SLC4A9: variants seen among roughly 807,000 people sequenced by gnomAD.
The protein encoded by SLC4A9 is solute carrier family 4 member 9, also known as anion exchange protein 4.
In SLC4A9, 102 loss-of-function variants were observed where a neutral mutation model predicts 103.2. That is an observed-to-expected ratio of 0.99 (90% CI 0.84 to 1.17). The LOEUF (loss-of-function observed/expected upper bound fraction) is 1.17, where lower values mean the gene tolerates loss of function less well. Among genes scored for constraint, SLC4A9 ranks in the 50% most tolerant of loss-of-function variants. The pLI is 0.00. For missense variants in SLC4A9, 1,091 were observed against 1,193.7 expected (o/e 0.91, Z 1.27); for synonymous variants, 453 against 483.6 (o/e 0.94, Z 0.83).
chr5:140,363,660 AG>A lies in SLC4A9; in HGVS notation c.1080-65del. The stretch of plus-strand genomic sequence containing the variant: ...CTGTGGGAGGGGCTCACCCGGTCAC[AG>A]GGAAAGTAGCGGGGATGCGGGTGTG... On this transcript the variant is annotated intron_variant, in intron 8 of 21. Coordinates refer to ENST00000506757, the MANE Select transcript of SLC4A9 (RefSeq NM_031467.3). The surrounding 1 kb of genome is among the most constrained non-coding windows in gnomAD (Gnocchi z 4.5). 6.3e-7 allele frequency: 1 copy of A among 1,595,066 alleles called. No individual in the cohort carries two copies. Among genetic ancestry groups the A allele is most frequent in the South Asian group, 1.1e-5 (1 of 88,578 alleles).
Position 140,367,572 on chromosome 5 carries a change from C to A in SLC4A9, c.2166C>A (p.Tyr722Ter). 1.2e-6 allele frequency: 2 copies of A among 1,603,236 alleles called. No homozygotes were observed. Among genetic ancestry groups the A allele is most frequent in the Non-Finnish European group, 1.7e-6 (2 of 1,175,034 alleles). The change falls in exon 15 of 22, where the codon TAC becomes TAA. Residue 722 changes from tyrosine to a stop codon, truncating the protein, a stop_gained. Coordinates refer to ENST00000506757, the MANE Select transcript of SLC4A9 (RefSeq NM_031467.3). LOFTEE classifies it high-confidence loss of function. The stretch of plus-strand genomic sequence containing the variant: ...CAGTCATCCTCAACCGCATGGAATA[C>A]AGACTGCAGGTAAGGCCTGCTGGGT... Reference protein sequence around the residue: ...ITAVILNRMEYRLQKGAGFHL... With the variant: ...ITAVILNRME
chr5:140,362,735 G>T (rs549021709), intron 6 of SLC4A9, among the ~76,000 whole-genome samples, 177 bp from the exon 7 acceptor site: 1 of 152,286 alleles, frequency 6.6e-6, no homozygotes, highest in African/African-American at 2.4e-5. Flanking sequence ...ATGAGTGCTG[G>T]CACACTGTAG....
Position 140,367,736 on chromosome 5 carries a change from A to T in SLC4A9, c.2192A>T (p.His731Leu). The T allele has an allele frequency of 1.9e-6, 3 of 1,613,894 alleles. No individual in the cohort carries two copies. In the Admixed American group the frequency reaches 5.0e-5, roughly 27 times the overall value. The change falls in exon 16 of 22, where the codon CAC (histidine) becomes CTC (leucine). Residue 731 changes from histidine to leucine, a missense_variant. By Grantham distance (99) the His-to-Leu change is moderately conservative (BLOSUM62 -3). Coordinates refer to ENST00000506757, the MANE Select transcript of SLC4A9 (RefSeq NM_031467.3). The part of the protein sequence containing the change: ...EYRLQKGAGF[H>L]LDLFCVAVLM... ...TACCTGCAGAAGGGAGCTGGCTTCC[A>T]CCTGGACCTCTTCTGTGTGGCTGTG... is the stretch of plus-strand genomic sequence containing the variant.
intron 12 of SLC4A9, 28 bp from the exon 13 acceptor site, chr5:140,365,806 A>G: frequency 6.2e-7 from 1 of 1,601,842 alleles, no homozygotes; most frequent in South Asian, 1.1e-5. Context: ...ATTGCCTATA[A>G]CTCCACTCCT....
At chr5:140,373,148 G>A (rs1021724438) in intron 21 of SLC4A9, among the ~76,000 whole-genome samples, 2 of 152,186 alleles carry the variant, frequency 1.3e-5, no homozygotes. Flanking sequence ...GGGAAAGAGT[G>A]GGAAGGAAGA....
Position 140,371,615 on chromosome 5 carries a change from C to A in SLC4A9, c.2661C>A (p.Phe887Leu). 1 of 1,614,008 alleles carries A rather than the reference C, an allele frequency of 6.2e-7. No individual in the cohort carries two copies. ...IIKSTPAAII[F>L]PLMLLGLVGV... ...AGTCTACCCCTGCAGCCATCATCTT[C>A]CCCCTCATGGTAAGCTGAGGCAGGG... is the stretch of plus-strand genomic sequence containing the variant. Residue 887 changes from phenylalanine to leucine, a missense_variant, in exon 19 of 22, where the codon TTC (phenylalanine) becomes TTA (leucine). Coordinates refer to ENST00000506757, the MANE Select transcript of SLC4A9 (RefSeq NM_031467.3).
At chr5:140,366,320 C>T (rs559296142) in intron 14 of SLC4A9, 56 bp downstream of exon 14, 1 of 1,232,508 alleles carries the variant, frequency 8.1e-7, no homozygotes, top group African/African-American at 1.5e-5. Context: ...GCCAGCAGAC[C>T]ATGGGGAAGG....
Position 140,372,408 on chromosome 5 carries a change from G to A in SLC4A9, c.2826+11G>A, listed in dbSNP as rs1768865872. ...AGTGACAGTGAAGATGTGAGCTCCA[G>A]GCTGGGTCCTCTCAGGAGAATGTGT... On this transcript the variant is annotated intron_variant, in intron 20 of 21. Transcript: ENST00000506757. 6.2e-7 allele frequency: 1 copy of A among 1,608,410 alleles called. No individual in the cohort carries two copies. Among genetic ancestry groups the A allele is most frequent in the African/African-American group, 1.3e-5 (1 of 74,496 alleles).
Position 140,367,409 on chromosome 5 carries a change from C to T in SLC4A9, c.2014-11C>T, listed in dbSNP as rs966186763. The T allele has an allele frequency of 1.6e-5, 26 of 1,610,172 alleles. No homozygotes were observed. The highest frequency in any genetic ancestry group is 2.1e-5 in the Non-Finnish European group (25 of 1,178,580). On this transcript the variant is annotated splice_polypyrimidine_tract_variant and intron_variant, in intron 14 of 21. Transcript: ENST00000506757. ...CCCACTCCAACCTGTCCATGAAATGCCCTCCTCCAGCCCACACTCCCTGGG... is the reference window on the plus strand; with the variant it reads ...CCCACTCCAACCTGTCCATGAAATGTCCTCCTCCAGCCCACACTCCCTGGG...
Position 140,363,728 on chromosome 5 carries a change from G to A in SLC4A9, c.1080G>A (p.Arg360=). The part of the protein sequence containing the change: ...AHSPELQRTG[R]LFGGLIQDVR... ...ATCACTGACGACCCTCGGGCGGGAG[G>A]CTGTTTGGGGGCCTTATCCAGGACG... The change falls in exon 9 of 22, where the codon AGG becomes AGA. Residue 360 remains arginine (R), a splice_region_variant and synonymous_variant. Coordinates refer to ENST00000506757, the MANE Select transcript of SLC4A9 (RefSeq NM_031467.3). This position sits in a 1 kb window ranked among gnomAD's most constrained non-coding sequence, Gnocchi z 4.5. The A allele has an allele frequency of 6.2e-7, 1 of 1,613,694 alleles. No individual in the cohort carries two copies. Among genetic ancestry groups the A allele is most frequent in the Non-Finnish European group, 8.5e-7 (1 of 1,179,720 alleles).
intron 21 of SLC4A9, 138 bp downstream of exon 21, chr5:140,372,981 G>A: frequency 7.7e-6 from 4 of 517,620 alleles, no homozygotes; most frequent in Non-Finnish European, 1.3e-5. Context: ...GGGTGCTGGG[G>A]TGTAGAAGGG....
chr5:140,362,221 G>A (rs1052637313), intron 5 of SLC4A9, 47 bp downstream of exon 5: 1 of 1,475,164 alleles, frequency 6.8e-7, no homozygotes, highest in Admixed American at 2.7e-5. Flanking sequence ...GAACCTAGAA[G>A]GGTCTTTACT....
rs551428133 is a variant in SLC4A9, at chr5:140,369,050, C to T, written c.2427+391C>T. ...ACTAAGAGTATGATCAGCCCAGGTG[C>T]GGTGGCTCATGCCTGTAATCCCAGC... On this transcript the variant is annotated intron_variant, in intron 17 of 21. Coordinates refer to ENST00000506757, the MANE Select transcript of SLC4A9 (RefSeq NM_031467.3). Among the ~76,000 whole-genome samples, 9 of 152,204 alleles carry T rather than the reference C, an allele frequency of 5.9e-5. No homozygotes were observed. In the South Asian group the frequency reaches 1.7e-3, roughly 28 times the overall value.
At chr5:140,374,205 AC>A (rs1450311503) in intron 21 of SLC4A9, among the ~76,000 whole-genome samples, 1 of 150,782 alleles carries the variant, frequency 6.6e-6, no homozygotes, top group African/African-American at 2.4e-5. Context: ...AAAATCAAAA[AC>A]AAAAATCTCT....
chr5:140,362,349 T>C, intron 5 of SLC4A9, 96 bp from the exon 6 acceptor site: 1 of 1,332,964 alleles, frequency 7.5e-7, no homozygotes, highest in Non-Finnish European at 1.1e-6. Context: ...ATGAGTGTGT[T>C]TATGGGAGCT....
At chr5:140,362,319 G>A (rs1159935343) in intron 5 of SLC4A9, 126 bp from the exon 6 acceptor site, 5 of 1,241,566 alleles carry the variant, frequency 4.0e-6, no homozygotes, top group Non-Finnish European at 2.3e-6. Flanking sequence ...AGTGGTCAGG[G>A]CTGCATGGTA....
In SLC4A9 at chr5:140,372,863, G is replaced by T; in HGVS notation, c.*45+20G>T. On this transcript the variant is annotated intron_variant, in intron 21 of 21. Transcript: ENST00000506757. ...CATGAGGTGAGGGTGTGAGGGAAGT[G>T]CTCCTGATGTTGAGGATGGGAGGTG... 7.1e-7 allele frequency: 1 copy of T among 1,412,374 alleles called. No homozygotes were observed. The highest frequency in any genetic ancestry group is 9.5e-7 in the Non-Finnish European group (1 of 1,047,250). 87.5% of individuals were successfully genotyped at this position (1,412,374 alleles called of 1,614,324 possible).
chr5:140,363,737 G>A lies in SLC4A9; in HGVS notation c.1089G>A (p.Gly363=). The part of the protein sequence containing the change: ...PELQRTGRLF[G]GLIQDVRRKV... ...GACCCTCGGGCGGGAGGCTGTTTGG[G>A]GGCCTTATCCAGGACGTGCGCAGGA... The change falls in exon 9 of 22, where the codon GGG becomes GGA. Residue 363 remains glycine (G), a synonymous_variant. Coordinates refer to ENST00000506757, the MANE Select transcript of SLC4A9 (RefSeq NM_031467.3). This position sits in a 1 kb window ranked among gnomAD's most constrained non-coding sequence, Gnocchi z 4.5. 1 of 1,613,832 alleles carries A rather than the reference G, an allele frequency of 6.2e-7. No individual in the cohort carries two copies. Among genetic ancestry groups the A allele is most frequent in the Non-Finnish European group, 8.5e-7 (1 of 1,179,816 alleles).
rs1330722642 is a variant in SLC4A9, at chr5:140,363,580, G to C, written c.1079+25G>C. Reference sequence around the variant, plus strand: ...GGTGAGGCGAGCTGGGAGGAAACAAGGGTAGGTGACCTGGGGGAGGGGAGG... The same window carrying C: ...GGTGAGGCGAGCTGGGAGGAAACAACGGTAGGTGACCTGGGGGAGGGGAGG... On this transcript the variant is annotated intron_variant, in intron 8 of 21. Coordinates refer to ENST00000506757, the MANE Select transcript of SLC4A9 (RefSeq NM_031467.3). The surrounding 1 kb of genome is among the most constrained non-coding windows in gnomAD (Gnocchi z 4.5). The C allele has an allele frequency of 6.4e-7, 1 of 1,553,054 alleles. No homozygotes were observed. Among genetic ancestry groups the C allele is most frequent in the Non-Finnish European group, 8.7e-7 (1 of 1,148,134 alleles).
Sources: allele counts gnomAD v4.1 joint callset (sites outside exome capture counted in the v4.1 genomes callset), GRCh38; gene constraint gnomAD v4.1.1; non-coding constraint Gnocchi (gnomAD v3.1); transcripts MANE v1.5; gene names NCBI Gene and HGNC (gene_info 2026-07-23, HGNC 2026-07-21).